The following VPS39 variants were observed in gnomAD, a reference collection of about 807,000 sequenced individuals.
VPS39 encodes the protein VPS39 subunit of HOPS complex.
Under a neutral mutation model 121.0 loss-of-function variants are expected in VPS39, and 70 were observed. That is an observed-to-expected ratio of 0.58 (90% confidence interval 0.48 to 0.71). The LOEUF (loss-of-function observed/expected upper bound fraction) is 0.71, where lower values mean the gene tolerates loss of function less well. VPS39 is among the 30% of genes least tolerant of loss of function. The probability of loss-of-function intolerance (pLI) is 0.00; values close to 1 mark genes in which losing one functional copy is unlikely to be tolerated. For synonymous variants in VPS39, 378 were observed against 398.1 expected (o/e 0.95, Z 0.60); for missense variants, 818 against 1,051.5 (o/e 0.78, Z 3.07).
At chr15:42,161,135 G>A in intron 24 of VPS39, 1 of 378,514 alleles carries the variant, frequency 2.6e-6, no homozygotes, top group Non-Finnish European at 4.8e-6. Context: ...GGCTTCCTGA[G>A]AGCCAACAAT....
At chr15:42,173,567 A>G (rs770505726) in intron 11 of VPS39, 156 bp downstream of exon 11, 28 of 903,984 alleles carry the variant, frequency 3.1e-5, no homozygotes, top group Non-Finnish European at 4.3e-5. Context: ...ATATGTAACC[A>G]CTGTGGTCAC....
At position 42,187,352 on chromosome 15, in the gene VPS39, A is replaced by C; in HGVS notation, c.453T>G (p.Ser151Arg). ...CCATGGACTTGGGCACATCTGGCACACTAAAGTCCCCCTGAAAAAAGAGAG... is the reference window on the plus strand; with the variant it reads ...CCATGGACTTGGGCACATCTGGCACCCTAAAGTCCCCCTGAAAAAAGAGAG... ...REFHELQGDF[S>R]VPDVPKSMAW... is the part of the protein sequence containing the mutation. Residue 151 changes from serine (S) to arginine (R), a missense_variant, in exon 7 of 25, where the codon AGT becomes AGG. By Grantham distance (110) the Ser-to-Arg change is moderately radical. Coordinates refer to ENST00000318006, the MANE Select transcript of VPS39 (RefSeq NM_015289.5). 2 of 1,607,620 alleles carry C rather than the reference A, an allele frequency of 1.2e-6. No homozygotes were observed. Among genetic ancestry groups the C allele is most frequent in the Non-Finnish European group, 1.7e-6 (2 of 1,178,460 alleles).
chr15:42,162,457 A>G lies in VPS39; in HGVS notation c.2200T>C (p.Tyr734His). Residue 734 changes from tyrosine to histidine, a missense_variant, in exon 22 of 25, where the codon TAC becomes CAC. Coordinates refer to ENST00000318006, the MANE Select transcript of VPS39 (RefSeq NM_015289.5). ...CAGTGAATGCTGGGGGGCGACAGGT[A>G]CATCCGAAGCAGGGACAGATACACC... The part of the protein sequence containing the change: ...KDVYLSLLRM[Y>H]LSPPSIHCLG... 1.9e-6 allele frequency: 3 copies of G among 1,610,240 alleles called. No homozygotes were observed. Among genetic ancestry groups the G allele is most frequent in the East Asian group, 4.5e-5 (2 of 44,812 alleles).
chr15:42,175,139 C>T (rs557740870), intron 10 of VPS39, among the ~76,000 whole-genome samples: 1 of 152,242 alleles, frequency 6.6e-6, no homozygotes, highest in East Asian at 1.9e-4. Context: ...ATGGGCCGGG[C>T]GCGGTAGCTC....
chr15:42,204,971 G>A (rs1366298225), intron 1 of VPS39, among the ~76,000 whole-genome samples: 1 of 152,110 alleles, frequency 6.6e-6, no homozygotes, highest in African/African-American at 2.4e-5. Flanking sequence ...AAGCAGACAT[G>A]ATTTACAGGA....
At chr15:42,161,559 G>T in intron 24 of VPS39, 123 bp downstream of exon 24, 1 of 1,015,892 alleles carries the variant, frequency 9.8e-7, no homozygotes, top group Non-Finnish European at 1.6e-6. Context: ...ACTAAAAGTT[G>T]TCAGGACAGC....
Position 42,178,272 on chromosome 15 carries a change from G to C in VPS39, c.906C>G (p.Thr302=). The C allele has an allele frequency of 6.2e-7, 1 of 1,614,146 alleles. No homozygotes were observed. The highest frequency in any genetic ancestry group is 1.3e-5 in the African/African-American group (1 of 75,014). The change falls in exon 10 of 25, where the codon ACC becomes ACG. Residue 302 remains threonine, a synonymous_variant. Coordinates refer to ENST00000318006, the MANE Select transcript of VPS39 (RefSeq NM_015289.5). ...VWRLIPVPMA[T]QIQQLLQDKQ... Reference sequence around the variant, plus strand: ...TGTCCTGGAGAAGTTGTTGGATTTGGGTTGCCATGGGGACAGGGATGAGTC... The same window carrying C: ...TGTCCTGGAGAAGTTGTTGGATTTGCGTTGCCATGGGGACAGGGATGAGTC...
rs745358910 is a variant in VPS39, at chr15:42,158,815, G to C, written c.*1939C>G. ...CTTCTCCATAGCTCTGTGGAGGGCA[G>C]AGAGTTGAGGGAAGGAAGAATGGAG... On this transcript the variant is annotated 3_prime_UTR_variant, in exon 25 of 25. Coordinates refer to ENST00000318006, the MANE Select transcript of VPS39 (RefSeq NM_015289.5). 7.9e-5 allele frequency: 12 copies of C among 152,276 alleles called. No homozygotes were observed. Among genetic ancestry groups the C allele is most frequent in the Non-Finnish European group, 1.5e-4 (10 of 68,060 alleles). The allele number at this position is 152,276 out of a possible 1,614,324, so 9.4% of individuals were successfully genotyped here.
chr15:42,168,546 T>TC (rs2049289348), intron 12 of VPS39, among the ~76,000 whole-genome samples: 2 of 149,488 alleles, frequency 1.3e-5, no homozygotes, highest in Admixed American at 1.3e-4. Context: ...ACTTCTTCTT[T>TC]TTTTTTTTTT....
chr15:42,197,876 C>T (rs2049977442), intron 2 of VPS39, among the ~76,000 whole-genome samples: 1 of 152,116 alleles, frequency 6.6e-6, no homozygotes, highest in Non-Finnish European at 1.5e-5. Flanking sequence ...TCACACGGGC[C>T]CAGGTCTATT....
At position 42,160,253 on chromosome 15, in the gene VPS39, C is replaced by T. The variant is rs1227054758; in HGVS notation, c.*501G>A. 1 of 154,384 alleles carries T rather than the reference C, an allele frequency of 6.5e-6. No individual in the cohort carries two copies. Among genetic ancestry groups the T allele is most frequent in the African/African-American group, 2.4e-5 (1 of 41,504 alleles). 9.6% of individuals were successfully genotyped at this position (154,384 alleles called of 1,614,324 possible). Reference sequence around the variant, plus strand: ...AGGGCGGCTACCGAGGGGTGCAGGGCACAGTTACCATGGAGACGTAAAACA... The same window carrying T: ...AGGGCGGCTACCGAGGGGTGCAGGGTACAGTTACCATGGAGACGTAAAACA... On this transcript the variant is annotated 3_prime_UTR_variant, in exon 25 of 25. Transcript: ENST00000318006.
At position 42,208,075 on chromosome 15, in the gene VPS39, G is replaced by A; in HGVS notation, c.73+6C>T. ...TCCGCCTCGGCCCCGCGGCCCCTCG[G>A]CTCACCCCAGGCAGCCAGACAGTCG... On this transcript the variant is annotated splice_donor_region_variant and intron_variant, in intron 1 of 24. Transcript: ENST00000318006. 1 of 1,576,836 alleles carries A rather than the reference G, an allele frequency of 6.3e-7. No individual in the cohort carries two copies. Among genetic ancestry groups the A allele is most frequent in the South Asian group, 1.2e-5 (1 of 85,992 alleles).
At position 42,161,666 on chromosome 15, in the gene VPS39, T is replaced by C. The variant is rs552920541; in HGVS notation, c.2552+16A>G. ...CCACAAAGCCCAGATGCCACACAGG[T>C]GTGAAGGAGGCTCACCTGTTCCCAA... On this transcript the variant is annotated intron_variant, in intron 24 of 24. Transcript: ENST00000318006. The C allele has an allele frequency of 1.2e-6, 2 of 1,613,826 alleles. No homozygotes were observed. The highest frequency in any genetic ancestry group is 1.1e-5 in the South Asian group (1 of 91,076).
chr15:42,163,492 CA>C, intron 20 of VPS39, 97 bp from the exon 21 acceptor site: 1 of 1,575,152 alleles, frequency 6.3e-7, no homozygotes, highest in Non-Finnish European at 8.7e-7. Context: ...TAACCACAGC[CA>C]AAACTGCGGG....
rs766127943 is a variant in VPS39 at position 42,160,807 on chromosome 15, C to G, written c.2575G>C (p.Gly859Arg). Residue 859 changes from glycine to arginine, a missense_variant, in exon 25 of 25, where the codon GGA becomes CGA. Physicochemically the swap from Gly to Arg is moderately radical, Grantham distance 125 (BLOSUM62 -2). Coordinates refer to ENST00000318006, the MANE Select transcript of VPS39 (RefSeq NM_015289.5). ...GAACAGAAGTAATGGACGACCACTC[C>G]ATTGGGGTATCTTGCAAATGCACTG... ...GNSAFARYPN[G>R]VVVHYFCSKE... 8 of 1,614,160 alleles carry G rather than the reference C, an allele frequency of 5.0e-6. No homozygotes were observed. The highest frequency in any genetic ancestry group is 4.2e-6 in the Non-Finnish European group (5 of 1,180,008).
At chr15:42,191,008 G>T in intron 4 of VPS39, 117 bp downstream of exon 4, 2 of 1,180,988 alleles carry the variant, frequency 1.7e-6, no homozygotes, top group Non-Finnish European at 2.5e-6. Flanking sequence ...GTTATACCAG[G>T]TTTGGAACAC....
chr15:42,160,700 C>T lies in VPS39; in HGVS notation c.*54G>A, dbSNP rs904397327. 4 of 1,545,212 alleles carry T rather than the reference C, an allele frequency of 2.6e-6. No individual in the cohort carries two copies. The highest frequency in any genetic ancestry group is 2.2e-5 in the East Asian group (1 of 44,522). Reference sequence around the variant, plus strand: ...GGATTCCTAAGGCCAGGTGCTCCTTCACCTCTCTGGGAGAGCCAAGCTGTC... The same window carrying T: ...GGATTCCTAAGGCCAGGTGCTCCTTTACCTCTCTGGGAGAGCCAAGCTGTC... On this transcript the variant is annotated 3_prime_UTR_variant, in exon 25 of 25. Coordinates refer to ENST00000318006, the MANE Select transcript of VPS39 (RefSeq NM_015289.5).
intron 7 of VPS39, 148 bp from the exon 8 acceptor site, chr15:42,184,848 CGTT>C: frequency 2.5e-6 from 2 of 800,440 alleles, no homozygotes; most frequent in Non-Finnish European, 3.8e-6. Flanking sequence ...TTATAATAAC[CGTT>C]GTTATCACAA....
chr15:42,176,211 A>G (rs2049448048), intron 10 of VPS39, among the ~76,000 whole-genome samples: 1 of 152,194 alleles, frequency 6.6e-6, no homozygotes, highest in Non-Finnish European at 1.5e-5. Context: ...TAGGAAGATC[A>G]CTGAAAAGAC....
Sources: allele counts gnomAD v4.1 joint callset (sites outside exome capture counted in the v4.1 genomes callset), GRCh38; gene constraint gnomAD v4.1.1; transcripts MANE v1.5; gene names NCBI Gene and HGNC (gene_info 2026-07-23, HGNC 2026-07-21).